Variants in SLC50A1 observed in about 807,000 individuals in gnomAD.
SLC50A1 encodes sugar transporter SWEET1.
Under a neutral mutation model 28.9 loss-of-function variants are expected in SLC50A1, and 22 were observed. The ratio of observed to expected loss-of-function variants is 0.76; its 90% CI spans 0.54 to 1.09. The LOEUF (loss-of-function observed/expected upper bound fraction) is 1.09, where lower values mean the gene tolerates loss of function less well. Ranked by LOEUF, SLC50A1 falls within the 50% of genes least tolerant of loss-of-function variation. The pLI, the probability that SLC50A1 is intolerant of heterozygous loss-of-function variation, is 0.00. For synonymous variants in SLC50A1, 96 were observed against 110.6 expected (o/e 0.87, Z 0.83); for missense variants, 233 against 273.4 (o/e 0.85, Z 1.04).
chr1:155,135,810 T>A, upstream of SLC50A1: 2 of 1,568,514 alleles, frequency 1.3e-6, no homozygotes, highest in Non-Finnish European at 1.7e-6. Context: ...CGGAGCCGAG[T>A]GCGCGGGGCG....
intron 2 of SLC50A1, 158 bp downstream of exon 2, chr1:155,136,534 G>C (rs1464569418): frequency 4.0e-6 from 3 of 756,198 alleles, no homozygotes; most frequent in Non-Finnish European, 6.8e-6. Flanking sequence ...ACGAGGTCAG[G>C]AGATCCAGAC....
upstream of SLC50A1, chr1:155,135,789 G>A: frequency 1.3e-6 from 2 of 1,554,620 alleles, no homozygotes; most frequent in Non-Finnish European, 8.7e-7. Context: ...GACGGCCCGA[G>A]CGTGCGGGGG....
rs779143957 is a variant in SLC50A1, at chr1:155,135,883, G to A, written c.-29G>A. On this transcript the variant is annotated 5_prime_UTR_variant, in exon 1 of 6. Transcript: ENST00000368404. ...CGGCAACCGCAGGCTCGCGGCGGGC[G>A]CTGGGCGCGGGATCCGACTCTAGTC... The A allele has an allele frequency of 6.2e-7, 1 of 1,604,300 alleles. No homozygotes were observed. The highest frequency in any genetic ancestry group is 1.1e-5 in the South Asian group (1 of 90,384).
chr1:155,136,375 A>C lies in SLC50A1; in HGVS notation c.157A>C (p.Asn53His). The change falls in exon 2 of 6, where the codon AAC (asparagine) becomes CAC (histidine). Residue 53 changes from asparagine (N) to histidine (H), a missense_variant and splice_region_variant. By Grantham distance (68) the Asn-to-His change is moderately conservative (BLOSUM62 1). Coordinates refer to ENST00000368404, the MANE Select transcript of SLC50A1 (RefSeq NM_018845.4). ...QFLPFLTTEV[N>H]NLGWLSYGAL... ...CCTGCCCTTTCTCACCACGGAAGTC[A>C]AGTGAGGGGCCGACGGCTGCGGTAG... 6.2e-7 allele frequency: 1 copy of C among 1,611,510 alleles called. No individual in the cohort carries two copies. Among genetic ancestry groups the C allele is most frequent in the Non-Finnish European group, 8.5e-7 (1 of 1,178,780 alleles).
At position 155,136,311 on chromosome 1, in the gene SLC50A1, G is replaced by A. The variant is rs1664464142; in HGVS notation, c.93G>A (p.Arg31=). Residue 31 remains arginine (R), a synonymous_variant, in exon 2 of 6, where the codon AGG becomes AGA. Coordinates refer to ENST00000368404, the MANE Select transcript of SLC50A1 (RefSeq NM_018845.4). The part of the protein sequence containing the change: ...GMFSAGLSDL[R]HMRMTRSVDN... ...GGCCCCATTACAGCTCGGACCTCAG[G>A]CACATGCGAATGACCCGGAGTGTGG... The A allele has an allele frequency of 1.9e-6, 3 of 1,610,126 alleles. No homozygotes were observed. The East Asian group carries it at 6.7e-5, about 36-fold the overall frequency.
At chr1:155,137,051 C>G in intron 3 of SLC50A1, 100 bp downstream of exon 3, 1 of 1,500,572 alleles carries the variant, frequency 6.7e-7, no homozygotes, top group South Asian at 1.2e-5. Context: ...GGCACTGCCA[C>G]CTTTTCCAGG....
Position 155,135,877 on chromosome 1 carries a change from GC to G in SLC50A1, c.-34del, listed in dbSNP as rs763544385. 1 of 1,599,906 alleles carries G rather than the reference GC, an allele frequency of 6.3e-7. No homozygotes were observed. Among genetic ancestry groups the G allele is most frequent in the South Asian group, 1.1e-5 (1 of 90,076 alleles). ...AGGTCCCGGCAACCGCAGGCTCGCGGCGGGCGCTGGGCGCGGGATCCGACTC... is the reference window on the plus strand; with the variant it reads ...AGGTCCCGGCAACCGCAGGCTCGCGGGGGCGCTGGGCGCGGGATCCGACTC... On this transcript the variant is annotated 5_prime_UTR_variant, in exon 1 of 6. Coordinates refer to ENST00000368404, the MANE Select transcript of SLC50A1 (RefSeq NM_018845.4).
At chr1:155,138,159 T>C in intron 5 of SLC50A1, 21 bp from the exon 6 acceptor site, 1 of 1,614,186 alleles carries the variant, frequency 6.2e-7, no homozygotes, top group Non-Finnish European at 8.5e-7. Flanking sequence ...CCTCTCCTCA[T>C]AGCAGTTCTT....
At position 155,137,674 on chromosome 1, in the gene SLC50A1, C is replaced by T; in HGVS notation, c.396C>T (p.Phe132=). Residue 132 remains phenylalanine (F), a synonymous_variant, in exon 4 of 6, where the codon TTC becomes TTT. Transcript: ENST00000368404. ...PEARLQQLGL[F]CSVFTISMYL... ...CCCGGCTTCAGCAGTTGGGCCTCTTCTGCAGTGTCTTCACCATCAGCATGT... is the reference window on the plus strand; with the variant it reads ...CCCGGCTTCAGCAGTTGGGCCTCTTTTGCAGTGTCTTCACCATCAGCATGT... The T allele has an allele frequency of 6.2e-7, 1 of 1,614,226 alleles. No individual in the cohort carries two copies. The highest frequency in any genetic ancestry group is 8.5e-7 in the Non-Finnish European group (1 of 1,180,042).
At chr1:155,136,093 G>A in intron 1 of SLC50A1, 102 bp downstream of exon 1, 1 of 1,337,988 alleles carries the variant, frequency 7.5e-7, no homozygotes, top group Non-Finnish European at 1.0e-6. Context: ...CCGGAACCGG[G>A]ATCAAAGTGG....
At chr1:155,135,554 G>A (rs999737638), upstream of SLC50A1, 1 of 1,535,406 alleles carries the variant, frequency 6.5e-7, no homozygotes, top group Non-Finnish European at 8.8e-7. Flanking sequence ...ACAGGCCTGT[G>A]GGAACACGAG....
upstream of SLC50A1, chr1:155,135,611 T>C (rs990565132): frequency 1.3e-6 from 2 of 1,550,018 alleles, no homozygotes; most frequent in Non-Finnish European, 1.7e-6. Flanking sequence ...AGGCAGAGTG[T>C]GAGCAGCGGC....
Position 155,138,623 on chromosome 1 carries a change from A to G in SLC50A1, c.*342A>G, listed in dbSNP as rs1664638563. 4.2e-6 allele frequency: 1 copy of G among 239,316 alleles called. No individual in the cohort carries two copies. The highest frequency in any genetic ancestry group is 5.6e-5 in the South Asian group (1 of 17,830). The allele number at this position is 239,316 out of a possible 1,614,324, so 14.8% of individuals were successfully genotyped here. ...GCGGATCGCCTGAGGTCAGGAGTTC[A>G]AGACCAACCTGACTAACATGGTGAA... is the stretch of plus-strand genomic sequence containing the variant. On this transcript the variant is annotated 3_prime_UTR_variant, in exon 6 of 6. Transcript: ENST00000368404.
At chr1:155,137,087 C>T (rs538337024) in intron 3 of SLC50A1, 136 bp downstream of exon 3, 162 of 1,163,622 alleles carry the variant, frequency 1.4e-4, no homozygotes, top group Admixed American at 2.0e-4. Flanking sequence ...TTGCAGGTCC[C>T]CTTCCTCTAT....
Position 155,138,009 on chromosome 1 carries a change from T to C in SLC50A1, c.475T>C (p.Cys159Arg), listed in dbSNP as rs1390277687. The change falls in exon 5 of 6, where the codon TGT becomes CGT. Residue 159 changes from cysteine (C) to arginine (R), a missense_variant. Coordinates refer to ENST00000368404, the MANE Select transcript of SLC50A1 (RefSeq NM_018845.4). ...AKVIQTKSTQ[C>R]LSYPLTIATL... is the part of the protein sequence containing the mutation. ...GGTGATTCAAACTAAATCAACCCAA[T>C]GTCTCTCCTACCCACTCACCATTGC... 4.3e-6 allele frequency: 7 copies of C among 1,614,160 alleles called. No individual in the cohort carries two copies. The highest frequency in any genetic ancestry group is 5.9e-6 in the Non-Finnish European group (7 of 1,180,034).
Position 155,137,976 on chromosome 1 carries a change from C to T in SLC50A1, c.445-3C>T, listed in dbSNP as rs1245271851. The T allele has an allele frequency of 1.2e-6, 2 of 1,614,160 alleles. No homozygotes were observed. The highest frequency in any genetic ancestry group is 2.2e-5 in the East Asian group (1 of 44,882). The stretch of plus-strand genomic sequence containing the variant: ...CAAGAGAGTCTTCCATTCTTTCCCA[C>T]AGGCTAAGGTGATTCAAACTAAATC... On this transcript the variant is annotated splice_region_variant and splice_polypyrimidine_tract_variant and intron_variant, in intron 4 of 5. Coordinates refer to ENST00000368404, the MANE Select transcript of SLC50A1 (RefSeq NM_018845.4).
chr1:155,135,960 G>A lies in SLC50A1; in HGVS notation c.49G>A (p.Val17Ile). The A allele has an allele frequency of 1.2e-6, 2 of 1,614,134 alleles. No individual in the cohort carries two copies. Among genetic ancestry groups the A allele is most frequent in the Non-Finnish European group, 1.7e-6 (2 of 1,180,032 alleles). ...CTCGCTCATTTACGGAGCATGCGTG[G>A]TCTTCACCCTTGGCATGTTCTCCGC... ...LDSLIYGACV[V>I]FTLGMFSAGL... The change falls in exon 1 of 6, where the codon GTC becomes ATC. Residue 17 changes from valine to isoleucine, a missense_variant. By Grantham distance (29) the Val-to-Ile change is conservative (BLOSUM62 3). Coordinates refer to ENST00000368404, the MANE Select transcript of SLC50A1 (RefSeq NM_018845.4).
intron 4 of SLC50A1, 77 bp downstream of exon 4, chr1:155,137,799 G>A (rs1664578263): frequency 1.2e-5 from 19 of 1,587,954 alleles, no homozygotes; most frequent in Non-Finnish European, 1.5e-5. Flanking sequence ...TTACAGTCCC[G>A]AGGAAGGGGA....
At position 155,138,787 on chromosome 1, in the gene SLC50A1, GTGATATGAATATGCCTTATATGC is replaced by G. The variant is rs1425317895; in HGVS notation, c.*525_*547del. 3 of 174,190 alleles carry G rather than the reference GTGATATGAATATGCCTTATATGC, an allele frequency of 1.7e-5. No homozygotes were observed. Among genetic ancestry groups the G allele is most frequent in the Non-Finnish European group, 3.8e-5 (3 of 79,506 alleles). 10.8% of individuals were successfully genotyped at this position (174,190 alleles called of 1,614,324 possible). A position where few individuals can be genotyped will look rare whatever the true frequency, so the allele number is the denominator to read the frequency against. ...TGCAGTGAGCTGAGATCGTGCCATT[GTGATATGAATATGCCTTATATGC>G]TGATATGAATATGCCTTAAAATAAA... On this transcript the variant is annotated 3_prime_UTR_variant, in exon 6 of 6. Transcript: ENST00000368404.
Sources: gnomAD v4.1 joint callset for allele counts on GRCh38, gnomAD v4.1.1 for gene constraint, MANE v1.5 for transcripts, NCBI Gene and HGNC (gene_info 2026-07-23, HGNC 2026-07-21) for gene names.